Variants in CBX3 observed in about 807,000 individuals in gnomAD.
CBX3 encodes chromobox protein homolog 3.
CBX3 carries 5 observed loss-of-function variants against 22.6 expected under a neutral mutation model. The observed-to-expected ratio is 0.22, with a 90% CI of 0.12 to 0.47. The LOEUF is 0.47. CBX3 is among the 20% of genes least tolerant of loss of function. CBX3 has a pLI of 0.99. For synonymous variants in CBX3, 50 were observed against 66.6 expected (o/e 0.75, Z 1.21); for missense variants, 83 against 208.1 (o/e 0.40, Z 3.70).
At position 26,211,709 on chromosome 7, in the gene CBX3, A is replaced by C; in HGVS notation, c.378A>C (p.Ile126=). The C allele has an allele frequency of 6.2e-7, 1 of 1,611,154 alleles. No individual in the cohort carries two copies. Among genetic ancestry groups the C allele is most frequent in the South Asian group, 1.1e-5 (1 of 90,554 alleles). Residue 126 remains isoleucine (I), a synonymous_variant, in exon 5 of 6, where the codon ATA becomes ATC. Coordinates refer to ENST00000396386, the MANE Select transcript of CBX3 (RefSeq NM_016587.4). ...CCAGAGGTCTTGATCCTGAAAGAAT[A>C]ATTGGTGCCACAGACAGCAGTGGAG... ...GFARGLDPER[I]IGATDSSGEL... is the part of the protein sequence containing the mutation.
At chr7:26,207,287 G>A (rs1784697649) in intron 3 of CBX3, among the ~76,000 whole-genome samples, 1 of 152,172 alleles carries the variant, frequency 6.6e-6, no homozygotes, top group Admixed American at 6.5e-5. Context: ...TGGGAATTAT[G>A]AATTGAATGG....
At chr7:26,203,044 ATATG>A (rs1784587117) in intron 2 of CBX3, 22 bp downstream of exon 2, 1 of 1,576,740 alleles carries the variant, frequency 6.3e-7, no homozygotes, top group Admixed American at 1.7e-5. Flanking sequence ...AAAACCTAAA[ATATG>A]TAAGGATTTA....
At chr7:26,202,840 T>A (rs1784580761) in intron 1 of CBX3, 131 bp from the exon 2 acceptor site, 2 of 708,594 alleles carry the variant, frequency 2.8e-6, no homozygotes, top group Non-Finnish European at 2.5e-6. Flanking sequence ...GGAGCGCAGA[T>A]CTACTCTGGA....
At chr7:26,208,020 G>C (rs1320567648) in intron 3 of CBX3, 1 of 153,898 alleles carries the variant, frequency 6.5e-6, no homozygotes. Flanking sequence ...AGACCAGCCT[G>C]GCCAACAAAA....
At chr7:26,202,861 C>A in intron 1 of CBX3, 110 bp from the exon 2 acceptor site, 1 of 700,114 alleles carries the variant, frequency 1.4e-6, no homozygotes, top group Non-Finnish European at 2.6e-6. Flanking sequence ...TTTGTATTCA[C>A]GTTTGAAATG....
At chr7:26,212,027 C>T (rs775949334) in intron 5 of CBX3, 55 bp from the exon 6 acceptor site, 146 of 1,424,570 alleles carry the variant, frequency 1.0e-4, no homozygotes, top group Non-Finnish European at 1.2e-4. Flanking sequence ...GAATGGCTGT[C>T]GGTTGACATG....
chr7:26,209,712 G>A (rs1055744680), intron 4 of CBX3, among the ~76,000 whole-genome samples: 6 of 152,048 alleles, frequency 3.9e-5, no homozygotes, highest in African/African-American at 1.4e-4. Flanking sequence ...TCTCTGTGGC[G>A]TCAGGCAAAT....
In CBX3 at chr7:26,208,562, A is replaced by G. The variant is rs770843081; in HGVS notation, c.330+7A>G. On this transcript the variant is annotated splice_region_variant and intron_variant, in intron 4 of 5. Transcript: ENST00000396386. ...AAAGAAGAAAAGAGATGCTGTAAGT[A>G]TAAAATATTGCCCACCAGCTTGTCC... The G allele has an allele frequency of 1.3e-6, 2 of 1,591,764 alleles. No homozygotes were observed. Among genetic ancestry groups the G allele is most frequent in the South Asian group, 1.1e-5 (1 of 89,324 alleles).
Position 26,212,612 on chromosome 7 carries a change from G to GTA in CBX3, c.*406_*407dup, listed in dbSNP as rs1554340758. On this transcript the variant is annotated 3_prime_UTR_variant, in exon 6 of 6. Transcript: ENST00000396386. ...TGTGTGTGTGTGTGTGTGTGTGTGT[G>GTA]TATCCATAAAATGCATATGTAAATT... 6.7e-6 allele frequency: 1 copy of GTA among 148,942 alleles called. No homozygotes were observed. Among genetic ancestry groups the GTA allele is most frequent in the Non-Finnish European group, 1.5e-5 (1 of 67,378 alleles). 9.2% of individuals were successfully genotyped at this position (148,942 alleles called of 1,614,324 possible). A position where few individuals can be genotyped will look rare whatever the true frequency, so the allele number is the denominator to read the frequency against.
intron 3 of CBX3, among the ~76,000 whole-genome samples, chr7:26,206,935 T>G (rs932296097): frequency 2.0e-5 from 3 of 152,238 alleles, no homozygotes; most frequent in African/African-American, 7.2e-5. Flanking sequence ...TATATCCTTA[T>G]ACCTAAGAAG....
At chr7:26,204,078 C>T (rs3757670) in intron 2 of CBX3, among the ~76,000 whole-genome samples, 1 of 152,092 alleles carries the variant, frequency 6.6e-6, no homozygotes, top group Admixed American at 6.6e-5. Context: ...GTTAATTTCA[C>T]TTAAATAATG....
At position 26,213,579 on chromosome 7, in the gene CBX3, G is replaced by T. The variant is rs1364137289; in HGVS notation, c.*1371G>T. On this transcript the variant is annotated 3_prime_UTR_variant, in exon 6 of 6. Coordinates refer to ENST00000396386, the MANE Select transcript of CBX3 (RefSeq NM_016587.4). ...TTTCATGTGATGCCTAGGGTCAATT[G>T]TCTCATTAAAATGAGGTTTTAAATT... is the stretch of plus-strand genomic sequence containing the variant. 1.3e-5 allele frequency among the ~76,000 whole-genome samples: 2 copies of T among 152,138 alleles called. No homozygotes were observed. Among genetic ancestry groups the T allele is most frequent in the Admixed American group, 6.5e-5 (1 of 15,272 alleles).
At chr7:26,206,083 A>G (rs756075923) in intron 2 of CBX3, 15 of 296,014 alleles carry the variant, frequency 5.1e-5, no homozygotes, top group Admixed American at 1.0e-4. Flanking sequence ...AGAGTGTGAG[A>G]CCCTGTCTCA....
chr7:26,205,718 C>T (rs1001408289), intron 2 of CBX3, among the ~76,000 whole-genome samples: 5 of 152,184 alleles, frequency 3.3e-5, no homozygotes, highest in African/African-American at 9.7e-5. Context: ...CTCTGTATCA[C>T]CCTTTAGGTA....
Position 26,202,987 on chromosome 7 carries a change from C to G in CBX3, c.-12C>G, listed in dbSNP as rs777095115. 3 of 1,606,020 alleles carry G rather than the reference C, an allele frequency of 1.9e-6. No individual in the cohort carries two copies. ...TTTTTCTAGTAATAGCTCTTCAAGT[C>G]TGCAATAAAAAATGGCCTCCAACAA... On this transcript the variant is annotated 5_prime_UTR_variant, in exon 2 of 6. Transcript: ENST00000396386.
chr7:26,208,779 C>G (rs756879777), intron 4 of CBX3, among the ~76,000 whole-genome samples: 22 of 151,974 alleles, frequency 1.4e-4, no homozygotes, highest in Non-Finnish European at 2.9e-4. Flanking sequence ...ACCACCACGC[C>G]CAGCTAATTT....
Position 26,203,634 on chromosome 7 carries a change from T to C in CBX3, c.24+612T>C, listed in dbSNP as rs975988167. 2.6e-5 allele frequency among the ~76,000 whole-genome samples: 4 copies of C among 152,174 alleles called. No homozygotes were observed. In the East Asian group the frequency reaches 7.7e-4, roughly 29 times the overall value. ...TTTTTTTTTATCTTATTCAGCCATGTCATGTTACAAGTTTTTTTAAACCCT... is the reference window on the plus strand; with the variant it reads ...TTTTTTTTTATCTTATTCAGCCATGCCATGTTACAAGTTTTTTTAAACCCT... On this transcript the variant is annotated intron_variant, in intron 2 of 5. Transcript: ENST00000396386.
At chr7:26,205,698 C>A (rs186820821) in intron 2 of CBX3, among the ~76,000 whole-genome samples, 2 of 152,334 alleles carry the variant, frequency 1.3e-5, no homozygotes, top group African/African-American at 2.4e-5. Context: ...CCTGTCACTA[C>A]TACTTGCTTC....
chr7:26,202,379 G>T (rs886894247), intron 1 of CBX3: 1 of 152,268 alleles, frequency 6.6e-6, no homozygotes, highest in South Asian at 2.1e-4. Context: ...GCGCTCCCGG[G>T]TGGGGGCGGG....
Sources: gnomAD v4.1 joint callset for allele counts (sites outside exome capture counted in the v4.1 genomes callset) on GRCh38, gnomAD v4.1.1 for gene constraint, MANE v1.5 for transcripts, NCBI Gene and HGNC (gene_info 2026-07-23, HGNC 2026-07-21) for gene names.